RBFOX2: variants seen among roughly 807,000 people sequenced by gnomAD.
The protein encoded by RBFOX2 is RNA binding fox-1 homolog 2, also known as RNA binding protein fox-1 homolog 2.
A neutral mutation model predicts 49.1 loss-of-function variants in RBFOX2; 10 were observed. The ratio of observed to expected loss-of-function variants is 0.20; its 90% CI spans 0.13 to 0.35. The LOEUF is 0.35. Ranked by LOEUF, RBFOX2 falls within the 10% of genes least tolerant of loss-of-function variation. The pLI, the probability that RBFOX2 is intolerant of heterozygous loss-of-function variation, is 1.00. For missense variants in RBFOX2, 323 were observed against 486.9 expected (o/e 0.66, Z 3.17); for synonymous variants, 183 against 187.4 (o/e 0.98, Z 0.19).
rs112503388 is a variant in RBFOX2, at chr22:35,745,644, T to C, written c.1049+279A>G. ...CAACATTTGAACCAATAGAAAACAT[T>C]CACCAGTTCCCCTATTTCTCTCGCA... On this transcript the variant is annotated intron_variant, in intron 11 of 11. Coordinates refer to ENST00000405409, the Ensembl canonical transcript of RBFOX2. Among the ~76,000 whole-genome samples, 335 of 152,284 alleles carry C rather than the reference T, an allele frequency of 2.2e-3. 2 individuals carry two copies. Among genetic ancestry groups the C allele is most frequent in the Middle Eastern group, 6.8e-3 (2 of 294 alleles).
At chr22:35,769,641 G>A (rs1345811781) in intron 4 of RBFOX2, among the ~76,000 whole-genome samples, 2 of 152,060 alleles carry the variant, frequency 1.3e-5, no homozygotes, top group South Asian at 2.1e-4. Context: ...TCCTGCTAGC[G>A]TTTTTTGAAT....
At chr22:35,898,897 C>T (rs914164543) in intron 1 of RBFOX2, among the ~76,000 whole-genome samples, 1 of 152,018 alleles carries the variant, frequency 6.6e-6, no homozygotes, top group African/African-American at 2.4e-5. Flanking sequence ...GAGGCCGAGG[C>T]GGGCAGATCA....
intron 1 of RBFOX2, among the ~76,000 whole-genome samples, chr22:35,907,933 C>T (rs1038617620): frequency 6.6e-6 from 1 of 152,128 alleles, no homozygotes; most frequent in Non-Finnish European, 1.5e-5. Context: ...AGGTGTGAGC[C>T]ACTGTGCTCT....
intron 1 of RBFOX2, among the ~76,000 whole-genome samples, chr22:35,833,163 T>TA (rs1957095918): frequency 6.6e-6 from 1 of 152,210 alleles, no homozygotes; most frequent in Non-Finnish European, 1.5e-5. Context: ...TTAATGCAAC[T>TA]AGTCCAGGAC....
At chr22:35,900,905 G>A (rs892683706) in intron 1 of RBFOX2, among the ~76,000 whole-genome samples, 1 of 152,218 alleles carries the variant, frequency 6.6e-6, no homozygotes, top group African/African-American at 2.4e-5. Flanking sequence ...CGACTCATGG[G>A]AGAAGGCGTA....
intron 1 of RBFOX2, among the ~76,000 whole-genome samples, chr22:35,900,907 G>A (rs2048487845): frequency 6.6e-6 from 1 of 152,230 alleles, no homozygotes; most frequent in East Asian, 1.9e-4. Context: ...ACTCATGGGA[G>A]AAGGCGTAGA....
chr22:35,803,147 A>AACACACACACACAC (rs374346895), intron 2 of RBFOX2, among the ~76,000 whole-genome samples: 81 of 145,840 alleles, frequency 5.6e-4, no homozygotes, highest in Non-Finnish European at 1.0e-3. Flanking sequence ...AATTACTTAA[A>AACACACACACACAC]ACACACACAC....
chr22:35,988,191 C>G (rs2057804583), intron 1 of RBFOX2, among the ~76,000 whole-genome samples: 1 of 152,192 alleles, frequency 6.6e-6, no homozygotes, highest in Admixed American at 6.5e-5. Context: ...AAGAACCGCA[C>G]AGCGATCATT....
chr22:35,944,913 C>CA (rs937281375), intron 1 of RBFOX2, among the ~76,000 whole-genome samples: 2 of 151,118 alleles, frequency 1.3e-5, no homozygotes, highest in African/African-American at 4.9e-5. Flanking sequence ...CCATCTATAC[C>CA]AAAAAATACA....
intron 1 of RBFOX2, among the ~76,000 whole-genome samples, chr22:35,954,163 T>C (rs1464708875): frequency 1.3e-5 from 2 of 152,118 alleles, no homozygotes; most frequent in Non-Finnish European, 1.5e-5. Context: ...GAGTGATATA[T>C]GTCTTTGTGG....
chr22:35,897,487 C>T (rs2048000655), intron 1 of RBFOX2: 1 of 820,778 alleles, frequency 1.2e-6, no homozygotes, highest in Non-Finnish European at 2.2e-6. Flanking sequence ...ATTTCAAAGT[C>T]TCTTGCTACC....
At chr22:35,927,698 C>T (rs750907629) in intron 1 of RBFOX2, among the ~76,000 whole-genome samples, 1 of 151,364 alleles carries the variant, frequency 6.6e-6, no homozygotes, top group African/African-American at 2.4e-5. Context: ...TTGTAGCGAG[C>T]CTTGAATGTC....
At chr22:35,990,819 G>A (rs988700873) in intron 1 of RBFOX2, among the ~76,000 whole-genome samples, 1 of 152,156 alleles carries the variant, frequency 6.6e-6, no homozygotes, top group African/African-American at 2.4e-5. Context: ...CTGCATAAGG[G>A]AAAAGGTTAG....
At chr22:35,974,439 CTTTG>C (rs940477933) in intron 1 of RBFOX2, among the ~76,000 whole-genome samples, 2 of 152,138 alleles carry the variant, frequency 1.3e-5, no homozygotes, top group Non-Finnish European at 2.9e-5. Context: ...TATCCCAGCA[CTTTG>C]TTTGGGAGGC....
intron 4 of RBFOX2, among the ~76,000 whole-genome samples, chr22:35,771,675 T>G (rs926927333): frequency 1.1e-4 from 16 of 152,190 alleles, no homozygotes; most frequent in Admixed American, 2.0e-4. Context: ...TGTTTAAACT[T>G]TAAACAGGTG....
chr22:35,866,707 CAAA>C lies in RBFOX2; in HGVS notation c.-33-56706_-33-56704del, dbSNP rs369641828. Among the ~76,000 whole-genome samples the C allele has an allele frequency of 5.4e-3, 824 of 151,502 alleles. 10 individuals carry two copies. Among genetic ancestry groups the C allele is most frequent in the African/African-American group, 0.019 (767 of 41,248 alleles). On this transcript the variant is annotated intron_variant, in intron 1 of 13. Transcript: ENST00000359369. Reference sequence around the variant, plus strand: ...ACCCAGAAACACCAACAGGCACTGACAAAAAAAAGCCCCCAGTGAAAGGCTCCT... The same window carrying C: ...ACCCAGAAACACCAACAGGCACTGACAAAAAGCCCCCAGTGAAAGGCTCCT...
intron 1 of RBFOX2, among the ~76,000 whole-genome samples, chr22:36,012,488 G>T (rs1273807183): frequency 6.6e-6 from 1 of 152,156 alleles, no homozygotes; most frequent in Non-Finnish European, 1.5e-5. Flanking sequence ...GGAAGGCTGA[G>T]GTGGCAGAAT....
intron 1 of RBFOX2, among the ~76,000 whole-genome samples, chr22:35,856,851 G>A (rs1455792133): frequency 1.3e-5 from 2 of 152,012 alleles, no homozygotes; most frequent in Admixed American, 6.6e-5. Context: ...TGGGCAACAC[G>A]GTGAAACCCA....
chr22:36,008,381 G>A (rs948145556), intron 1 of RBFOX2, among the ~76,000 whole-genome samples: 3 of 152,144 alleles, frequency 2.0e-5, no homozygotes, highest in Non-Finnish European at 4.4e-5. Flanking sequence ...CACAATAAGA[G>A]AGGATTACAT....
Sources: allele counts gnomAD v4.1 joint callset (sites outside exome capture counted in the v4.1 genomes callset), GRCh38; gene constraint gnomAD v4.1.1; transcripts MANE v1.5; gene names NCBI Gene and HGNC (gene_info 2026-07-23, HGNC 2026-07-21).